The following CDKL5 variants were observed in gnomAD, a reference collection of about 807,000 sequenced individuals.
CDKL5 encodes cyclin dependent kinase like 5.
Under a neutral mutation model 61.7 loss-of-function variants are expected in CDKL5, and 8 were observed. The ratio of observed to expected loss-of-function variants is 0.13; its 90% CI spans 0.08 to 0.23. The LOEUF is 0.23. CDKL5 is among the 10% of genes least tolerant of loss of function. The pLI is 1.00. For synonymous variants in CDKL5, 275 were observed against 272.3 expected (o/e 1.01, Z -0.10); for missense variants, 440 against 734.5 (o/e 0.60, Z 4.63).
At chrX:18,587,676 T>A in intron 8 of CDKL5, 1 of 349,390 alleles carries the variant, frequency 2.9e-6, no homozygotes, top group Non-Finnish European at 5.1e-6. Context: ...TATTAGGGTT[T>A]ATTAAGCCGT....
chrX:18,487,785 G>T (rs1293022957), intron 1 of CDKL5, among the ~76,000 whole-genome samples: 1 of 112,010 alleles, frequency 8.9e-6, no homozygotes, highest in Non-Finnish European at 1.9e-5. Context: ...GCGTGATGGC[G>T]TGTGCCTGTA....
At chrX:18,649,977 C>CCCG (rs772202551) in intron 20 of CDKL5, 2 of 188,937 alleles carry the variant, frequency 1.1e-5, no homozygotes, top group East Asian at 1.3e-4. Flanking sequence ...TCCACCCCCA[C>CCCG]CCGCCGCCGC....
chrX:18,429,030 A>G (rs1330283942), intron 1 of CDKL5, among the ~76,000 whole-genome samples: 1 of 110,322 alleles, frequency 9.1e-6, no homozygotes, highest in Non-Finnish European at 1.9e-5. Flanking sequence ...CAGCGCATGG[A>G]TGACTGAATT....
intron 20 of CDKL5, chrX:18,647,355 C>T (rs1015889377): frequency 8.3e-7 from 1 of 1,202,959 alleles, no homozygotes; most frequent in Non-Finnish European, 1.1e-6. Context: ...AAAGAATTCA[C>T]ATTCACACAT....
At chrX:18,547,489 C>T (rs1212687623) in intron 3 of CDKL5, among the ~76,000 whole-genome samples, 3 of 112,343 alleles carry the variant, frequency 2.7e-5, no homozygotes, top group Non-Finnish European at 5.6e-5. Flanking sequence ...TAGAGTGCTT[C>T]AGTGATGTTC....
Position 18,606,173 on chromosome X carries a change from G to GTC in CDKL5, c.1944+1306_1944+1307dup, listed in dbSNP as rs746692577. Among the ~76,000 whole-genome samples, 547 of 95,163 alleles carry GTC rather than the reference G, an allele frequency of 5.7e-3. 2 individuals are homozygous for GTC. Among genetic ancestry groups the GTC allele is most frequent in the Middle Eastern group, 0.044 (9 of 204 alleles). The allele number at this position is 95,163 out of a possible 115,157, so 82.6% of individuals were successfully genotyped here. Reference sequence around the variant, plus strand: ...TTCAGCCTGGTGACAGAGCAAGACTGTCACACACACACACACACACACACA... The same window carrying GTC: ...TTCAGCCTGGTGACAGAGCAAGACTGTCTCACACACACACACACACACACACA... On this transcript the variant is annotated intron_variant, in intron 12 of 17. Transcript: ENST00000623535.
intron 1 of CDKL5, among the ~76,000 whole-genome samples, chrX:18,479,405 C>T (rs1022159397): frequency 8.7e-5 from 9 of 103,853 alleles, no homozygotes; most frequent in South Asian, 4.6e-4. Context: ...CTGCAAGCTC[C>T]GCCTCCCAAG....
chrX:18,598,947 G>A (rs978877283), intron 11 of CDKL5, among the ~76,000 whole-genome samples: 25 of 111,622 alleles, frequency 2.2e-4, no homozygotes, highest in Non-Finnish European at 4.1e-4. Flanking sequence ...AAGAAAGCTG[G>A]GTGAAGGCAA....
At chrX:18,479,041 TG>T (rs774974398) in intron 1 of CDKL5, among the ~76,000 whole-genome samples, 1 of 111,310 alleles carries the variant, frequency 9.0e-6, no homozygotes, top group African/African-American at 3.3e-5. Context: ...GATATAGAGA[TG>T]GGGTCTTGCT....
intron 3 of CDKL5, among the ~76,000 whole-genome samples, chrX:18,527,177 C>T (rs910195661): frequency 4.5e-5 from 5 of 111,748 alleles, no homozygotes; most frequent in Non-Finnish European, 9.4e-5. Context: ...CATCTGTATT[C>T]ATGAGAGGTA....
chrX:18,430,892 C>G (rs1440061942), intron 1 of CDKL5, among the ~76,000 whole-genome samples: 1 of 108,752 alleles, frequency 9.2e-6, no homozygotes, highest in Non-Finnish European at 1.9e-5. Context: ...ATGAGTCCCC[C>G]ACTCTGTTGC....
chrX:18,579,154 G>A (rs141486759), intron 5 of CDKL5, among the ~76,000 whole-genome samples: 1,241 of 111,637 alleles, frequency 0.011, 14 homozygotes, highest in African/African-American at 0.038. Flanking sequence ...ATTGTACCAC[G>A]GGCCTTGTAC....
intron 3 of CDKL5, among the ~76,000 whole-genome samples, chrX:18,545,825 C>T (rs1164091810): frequency 8.9e-6 from 1 of 112,264 alleles, no homozygotes; most frequent in East Asian, 2.8e-4. Context: ...TTATCTGAGG[C>T]AGATTTTTTT....
chrX:18,522,038 T>C (rs756526790), intron 3 of CDKL5, among the ~76,000 whole-genome samples: 2 of 111,822 alleles, frequency 1.8e-5, no homozygotes, highest in African/African-American at 6.5e-5. Flanking sequence ...CTTGCAATTC[T>C]GTATGAATTT....
chrX:18,641,604 A>G (rs1033972914), downstream of CDKL5: 16 of 164,847 alleles, frequency 9.7e-5, no homozygotes, highest in Non-Finnish European at 1.6e-4. Context: ...GCCAGGCTTT[A>G]GGAAACTGTA....
At chrX:18,589,394 G>A (rs1925752050) in intron 9 of CDKL5, 1 of 110,391 alleles carries the variant, frequency 9.1e-6, no homozygotes, top group African/African-American at 3.3e-5. Flanking sequence ...TGCAGTATTT[G>A]GTTTTCTGTC....
chrX:18,529,992 G>T (rs1923583658), intron 3 of CDKL5, among the ~76,000 whole-genome samples: 1 of 110,848 alleles, frequency 9.0e-6, no homozygotes, highest in African/African-American at 3.3e-5. Context: ...TACACCTTTT[G>T]TAATTTTCCC....
At chrX:18,431,423 CTTT>C (rs1177063856) in intron 1 of CDKL5, among the ~76,000 whole-genome samples, 1 of 95,508 alleles carries the variant, frequency 1.0e-5, no homozygotes, top group Non-Finnish European at 2.1e-5. Context: ...GATTTCTTTT[CTTT>C]TTTTTTTTTT....
intron 10 of CDKL5, 146 bp downstream of exon 10, chrX:18,595,574 G>A (rs769345270): frequency 2.0e-4 from 90 of 459,377 alleles, no homozygotes; most frequent in African/African-American, 1.8e-3. Flanking sequence ...ATATTAAAAG[G>A]CATGTAACTT....
Sources: allele counts gnomAD v4.1 joint callset (sites outside exome capture counted in the v4.1 genomes callset), GRCh38; gene constraint gnomAD v4.1.1; transcripts MANE v1.5; gene names NCBI Gene and HGNC (gene_info 2026-07-23, HGNC 2026-07-21).